PRR16: variants seen among roughly 807,000 people sequenced by gnomAD.
PRR16 encodes protein Largen.
In PRR16, 6 loss-of-function variants were observed where a neutral mutation model predicts 18.2. That is an observed-to-expected ratio of 0.33 (90% CI 0.18 to 0.65). PRR16 has a LOEUF of 0.65. PRR16 is among the 30% of genes least tolerant of loss of function. The pLI is 0.74. For synonymous variants in PRR16, 151 were observed against 147.8 expected, an observed-to-expected ratio of 1.02 and a Z score of -0.16; for missense variants, 412 against 376.6, an observed-to-expected ratio of 1.09 and a Z score of -0.78.
chr5:120,731,273 CA>C, the PRR16 span, among the ~76,000 whole-genome samples: 1 of 152,048 alleles, frequency 6.6e-6, no homozygotes, highest in Non-Finnish European at 1.5e-5. Context: ...ATAGAGGGAA[CA>C]AGAATGGGAA....
At chr5:120,552,451 CAA>C (rs1752283609) in intron 1 of PRR16, among the ~76,000 whole-genome samples, 1 of 151,774 alleles carries the variant, frequency 6.6e-6, no homozygotes, top group South Asian at 2.1e-4. Context: ...TACTGAAACA[CAA>C]TATTTATCAT....
intron 1 of PRR16, chr5:120,481,204 A>G (rs911354707): frequency 1.0e-5 from 8 of 784,088 alleles, no homozygotes; most frequent in East Asian, 6.7e-5. Context: ...CTAGAGTGCA[A>G]TGGCACAATC....
intron 1 of PRR16, among the ~76,000 whole-genome samples, chr5:120,609,423 A>T (rs535299353): frequency 2.4e-4 from 37 of 152,240 alleles, no homozygotes; most frequent in Middle Eastern, 3.4e-3. Context: ...AAAATTTTTA[A>T]AAAAGGAATA....
At chr5:120,553,653 C>T (rs1752325514) in intron 1 of PRR16, among the ~76,000 whole-genome samples, 1 of 151,714 alleles carries the variant, frequency 6.6e-6, no homozygotes, top group Admixed American at 6.6e-5. Context: ...TGTTTCAAAG[C>T]AATATGTAAT....
chr5:120,567,934 G>C (rs1752787539), intron 1 of PRR16, among the ~76,000 whole-genome samples: 1 of 152,086 alleles, frequency 6.6e-6, no homozygotes, highest in Non-Finnish European at 1.5e-5. Flanking sequence ...TCTTACCCAG[G>C]TCCACTCCAC....
chr5:120,525,208 A>G (rs925760793), intron 1 of PRR16, among the ~76,000 whole-genome samples: 1 of 152,068 alleles, frequency 6.6e-6, no homozygotes, highest in African/African-American at 2.4e-5. Flanking sequence ...AGAGGGCCCC[A>G]TTATATATTT....
intron 1 of PRR16, among the ~76,000 whole-genome samples, chr5:120,527,045 A>G (rs1265370547): frequency 6.6e-6 from 1 of 152,136 alleles, no homozygotes; most frequent in Non-Finnish European, 1.5e-5. Flanking sequence ...CCTGCTGTTT[A>G]CCATTCTACT....
chr5:120,715,590 G>T, the PRR16 span, among the ~76,000 whole-genome samples: 1 of 152,080 alleles, frequency 6.6e-6, no homozygotes, highest in African/African-American at 2.4e-5. Context: ...TTTCACTTCT[G>T]AATTTCATTT....
rs143433843 is a variant in PRR16 at position 120,477,438 on chromosome 5, T to A, written c.159+12793T>A. On this transcript the variant is annotated intron_variant, in intron 1 of 1. Transcript: ENST00000407149. ...ATTCCTCTTTCTCTCATGCGTTATG[T>A]TCAATTCACTAGAAAGCCTAGTTAG... Among the ~76,000 whole-genome samples the A allele has an allele frequency of 2.0e-3, 302 of 152,258 alleles. 3 individuals carry two copies. The highest frequency in any genetic ancestry group is 6.2e-3 in the South Asian group (30 of 4,824).
chr5:120,607,835 T>TTTTTTTTTTTTTTTTTTTTTTTTTTTTG (rs1754203114), intron 1 of PRR16, among the ~76,000 whole-genome samples: 1 of 151,996 alleles, frequency 6.6e-6, no homozygotes, highest in African/African-American at 2.4e-5. Flanking sequence ...AGATGAATCT[T>TTTTTTTTTTTTTTTTTTTTTTTTTTTTG]ATATACCTGA....
chr5:120,484,521 A>G (rs1351673848), intron 1 of PRR16, among the ~76,000 whole-genome samples: 1 of 145,600 alleles, frequency 6.9e-6, no homozygotes, highest in African/African-American at 2.5e-5. Context: ...TTGTATATAT[A>G]AATGTATGTA....
chr5:120,701,351 T>C, the PRR16 span, among the ~76,000 whole-genome samples: 1 of 152,164 alleles, frequency 6.6e-6, no homozygotes, highest in Non-Finnish European at 1.5e-5. Context: ...GGCTGTAAAG[T>C]GTCTCAGGGT....
At chr5:120,673,880 A>G (rs1756701926) in intron 1 of PRR16, among the ~76,000 whole-genome samples, 2 of 151,846 alleles carry the variant, frequency 1.3e-5, no homozygotes, top group Admixed American at 6.6e-5. Flanking sequence ...ACTTCACCCT[A>G]GGAGGCGGTG....
chr5:120,564,598 A>T (rs1466650500), intron 1 of PRR16, among the ~76,000 whole-genome samples: 4 of 152,110 alleles, frequency 2.6e-5, no homozygotes, highest in African/African-American at 9.7e-5. Flanking sequence ...CCAAGTACAC[A>T]GACTTTCCAC....
chr5:120,605,292 T>C (rs1754119026), intron 1 of PRR16, among the ~76,000 whole-genome samples: 1 of 152,218 alleles, frequency 6.6e-6, no homozygotes, highest in South Asian at 2.1e-4. Context: ...AGGAGAAGTC[T>C]TTGAGATTCT....
At chr5:120,651,761 A>G (rs749127636) in intron 1 of PRR16, among the ~76,000 whole-genome samples, 1 of 152,106 alleles carries the variant, frequency 6.6e-6, no homozygotes, top group Non-Finnish European at 1.5e-5. Flanking sequence ...GTCAGGTAGC[A>G]TGATTCCTCC....
the PRR16 span, among the ~76,000 whole-genome samples, chr5:120,774,721 C>A: frequency 6.6e-6 from 1 of 152,134 alleles, no homozygotes; most frequent in Non-Finnish European, 1.5e-5. Context: ...TACTTTTCTA[C>A]AACTAAACTT....
At chr5:120,578,880 C>G (rs999601480) in intron 1 of PRR16, among the ~76,000 whole-genome samples, 11 of 152,102 alleles carry the variant, frequency 7.2e-5, no homozygotes, top group African/African-American at 2.2e-4. Flanking sequence ...TAAAAGTGTT[C>G]CTATTTCTCC....
chr5:120,761,132 A>G, the PRR16 span, among the ~76,000 whole-genome samples: 2 of 152,030 alleles, frequency 1.3e-5, no homozygotes, highest in African/African-American at 2.4e-5. Context: ...TTAAAAATCA[A>G]GACTCAAGGC....
Sources: allele counts gnomAD v4.1 joint callset (sites outside exome capture counted in the v4.1 genomes callset), GRCh38; gene constraint gnomAD v4.1.1; transcripts MANE v1.5; gene names NCBI Gene and HGNC (gene_info 2026-07-23, HGNC 2026-07-21).